LRRTM4: variants seen among roughly 807,000 people sequenced by gnomAD.
The protein encoded by LRRTM4 is leucine-rich repeat transmembrane neuronal protein 4.
A neutral mutation model predicts 47.6 loss-of-function variants in LRRTM4; 25 were observed. That is an observed-to-expected ratio of 0.53 (90% CI 0.38 to 0.73). The LOEUF is 0.73. Ranked by LOEUF, LRRTM4 falls within the 30% of genes least tolerant of loss-of-function variation. The probability of loss-of-function intolerance (pLI) is 0.00; values close to 1 mark genes in which losing one functional copy is unlikely to be tolerated. For synonymous variants in LRRTM4, 311 were observed against 269.5 expected, an observed-to-expected ratio of 1.15 and a Z score of -1.51; for missense variants, 638 against 713.4, an observed-to-expected ratio of 0.89 and a Z score of 1.20.
chr2:76,834,428 G>A (rs1210113028), intron 3 of LRRTM4, among the ~76,000 whole-genome samples: 2 of 151,908 alleles, frequency 1.3e-5, no homozygotes, highest in African/African-American at 2.4e-5. Context: ...CAAGATATAC[G>A]TTACTCTAAA....
At chr2:77,423,890 A>C (rs982258170) in intron 3 of LRRTM4, among the ~76,000 whole-genome samples, 2 of 152,176 alleles carry the variant, frequency 1.3e-5, no homozygotes, top group Admixed American at 6.5e-5. Flanking sequence ...GCAAATGACA[A>C]CCAGTCTTTG....
At chr2:77,260,374 CGTGTGTGT>C (rs58758948) in intron 3 of LRRTM4, among the ~76,000 whole-genome samples, 71 of 140,494 alleles carry the variant, frequency 5.1e-4, no homozygotes, top group East Asian at 2.1e-3. Flanking sequence ...ACCAAAAAAT[CGTGTGTGT>C]GTGTGTGTGT....
At chr2:77,156,544 A>T (rs1465799032) in intron 3 of LRRTM4, among the ~76,000 whole-genome samples, 4 of 152,082 alleles carry the variant, frequency 2.6e-5, no homozygotes, top group African/African-American at 9.7e-5. Flanking sequence ...TAAATGATAT[A>T]TTCAGAATGA....
intron 3 of LRRTM4, among the ~76,000 whole-genome samples, chr2:77,074,785 G>C (rs759572996): frequency 2.0e-5 from 3 of 152,238 alleles, no homozygotes; most frequent in Non-Finnish European, 2.9e-5. Flanking sequence ...GGTAAGAATA[G>C]ATTTTCTTCT....
At chr2:76,951,076 G>A (rs774444110) in intron 3 of LRRTM4, among the ~76,000 whole-genome samples, 33 of 151,406 alleles carry the variant, frequency 2.2e-4, no homozygotes, top group Non-Finnish European at 3.7e-4. Flanking sequence ...TAATGATGAT[G>A]TTATTCACAG....
At chr2:76,968,340 G>GTGTA (rs1313372499) in intron 3 of LRRTM4, among the ~76,000 whole-genome samples, 19 of 76,636 alleles carry the variant, frequency 2.5e-4, no homozygotes, top group Admixed American at 1.0e-3. Context: ...GTGTATGTGT[G>GTGTA]TATATATATA....
intron 3 of LRRTM4, among the ~76,000 whole-genome samples, chr2:77,407,721 T>C (rs941228472): frequency 2.6e-5 from 3 of 115,698 alleles, no homozygotes; most frequent in African/African-American, 1.3e-4. Flanking sequence ...TCATATATTA[T>C]ATTATATATT....
Position 77,206,179 on chromosome 2 carries a change from A to ATT in LRRTM4, c.1551+312137_1551+312138dup, listed in dbSNP as rs35378906. On this transcript the variant is annotated intron_variant, in intron 3 of 3. Coordinates refer to ENST00000409884, the MANE Select transcript of LRRTM4 (RefSeq NM_001134745.3). ...CAATACACTGTAATTTCAAAATTCTATTTTTTTTTTTTTTTTTGAAACAGG... is the reference window on the plus strand; with the variant it reads ...CAATACACTGTAATTTCAAAATTCTATTTTTTTTTTTTTTTTTTTGAAACAGG... Among the ~76,000 whole-genome samples the ATT allele has an allele frequency of 1.3e-3, 165 of 126,950 alleles. 1 individual carries two copies. Among genetic ancestry groups the ATT allele is most frequent in the African/African-American group, 4.7e-3 (155 of 33,072 alleles). The allele number at this position is 126,950 out of a possible 152,430, so 83.3% of individuals were successfully genotyped here.
At position 77,276,686 on chromosome 2, in the gene LRRTM4, C is replaced by CAT. The variant is rs3980215; in HGVS notation, c.1551+241630_1551+241631dup. Among the ~76,000 whole-genome samples the CAT allele has an allele frequency of 8.9e-3, 639 of 71,530 alleles. 2 individuals carry two copies. Among genetic ancestry groups the CAT allele is most frequent in the Middle Eastern group, 0.015 (1 of 68 alleles). 46.9% of individuals were successfully genotyped at this position (71,530 alleles called of 152,430 possible). ...GTTCTTGTATATAAATTTGTGTACG[C>CAT]ATATATATATATATATATATATATA... On this transcript the variant is annotated intron_variant, in intron 3 of 3. Coordinates refer to ENST00000409884, the MANE Select transcript of LRRTM4 (RefSeq NM_001134745.3).
At chr2:77,403,360 C>G (rs532366044) in intron 3 of LRRTM4, among the ~76,000 whole-genome samples, 1 of 151,836 alleles carries the variant, frequency 6.6e-6, no homozygotes, top group Admixed American at 6.6e-5. Flanking sequence ...ATGGGAACTT[C>G]TTTGAGGCCA....
At chr2:77,104,595 G>A (rs1671042645) in intron 3 of LRRTM4, among the ~76,000 whole-genome samples, 1 of 152,106 alleles carries the variant, frequency 6.6e-6, no homozygotes, top group South Asian at 2.1e-4. Context: ...AAAATACTAA[G>A]TGCTAAAGAC....
chr2:76,900,414 CTTGT>C (rs977349082), intron 3 of LRRTM4, among the ~76,000 whole-genome samples: 5 of 145,232 alleles, frequency 3.4e-5, no homozygotes, highest in Middle Eastern at 3.5e-3. Context: ...TATCTCTATT[CTTGT>C]TTATTTTCAA....
intron 3 of LRRTM4, among the ~76,000 whole-genome samples, chr2:77,106,829 A>G (rs964764032): frequency 3.3e-5 from 5 of 152,150 alleles, no homozygotes; most frequent in African/African-American, 1.2e-4. Flanking sequence ...CAATAGCTAA[A>G]GAATTATAAG....
chr2:77,044,566 G>C (rs1259480710), intron 3 of LRRTM4, among the ~76,000 whole-genome samples: 1 of 151,656 alleles, frequency 6.6e-6, no homozygotes, highest in African/African-American at 2.4e-5. Flanking sequence ...GAGTGTGTGT[G>C]TGTGCATGCA....
intron 3 of LRRTM4, among the ~76,000 whole-genome samples, chr2:77,420,986 T>G (rs944863083): frequency 6.7e-6 from 1 of 149,808 alleles, no homozygotes; most frequent in Non-Finnish European, 1.5e-5. Flanking sequence ...CTTGGAGAAA[T>G]AGTGGGCCAC....
chr2:77,315,955 A>T (rs529299918), intron 3 of LRRTM4, among the ~76,000 whole-genome samples: 4 of 152,196 alleles, frequency 2.6e-5, no homozygotes, highest in Non-Finnish European at 5.9e-5. Context: ...ATTAGCAAAC[A>T]TAGGTAACCT....
chr2:77,049,860 T>C (rs990229789), intron 3 of LRRTM4, among the ~76,000 whole-genome samples: 2 of 152,078 alleles, frequency 1.3e-5, no homozygotes, highest in African/African-American at 4.8e-5. Context: ...TCATGAAATC[T>C]TTGCCCAGAC....
intron 3 of LRRTM4, among the ~76,000 whole-genome samples, chr2:77,498,359 CA>C: frequency 6.6e-6 from 1 of 151,764 alleles, no homozygotes; most frequent in African/African-American, 2.4e-5. Flanking sequence ...TGCCAGACTC[CA>C]AATTTTTTCC....
chr2:76,781,549 C>G (rs1464462220), intron 3 of LRRTM4, among the ~76,000 whole-genome samples: 1 of 152,144 alleles, frequency 6.6e-6, no homozygotes, highest in Non-Finnish European at 1.5e-5. Context: ...TTCTTTGACT[C>G]AGAAAGGGAA....
Sources: allele counts gnomAD v4.1 joint callset (sites outside exome capture counted in the v4.1 genomes callset), GRCh38; gene constraint gnomAD v4.1.1; transcripts MANE v1.5; gene names NCBI Gene and HGNC (gene_info 2026-07-23, HGNC 2026-07-21).